ANKRD18B: variants seen among roughly 807,000 people sequenced by gnomAD.
The protein encoded by ANKRD18B is ankyrin repeat domain 18B, also known as ankyrin repeat domain-containing protein 18B.
A neutral mutation model predicts 111.8 loss-of-function variants in ANKRD18B; 75 were observed. That is an observed-to-expected ratio of 0.67 (90% CI 0.56 to 0.81). The LOEUF is 0.81. ANKRD18B is among the 40% of genes least tolerant of loss of function. ANKRD18B has a pLI of 0.00. For missense variants in ANKRD18B, 1,038 were observed against 1,225.5 expected (o/e 0.85, Z 2.28); for synonymous variants, 356 against 417.3 (o/e 0.85, Z 1.79).
chr9:33,540,944 C>T (rs1399082763), intron 8 of ANKRD18B, among the ~76,000 whole-genome samples: 1 of 152,096 alleles, frequency 6.6e-6, no homozygotes, highest in East Asian at 1.9e-4. Context: ...TAGATGTCAC[C>T]TGGGAGCATA....
In ANKRD18B at chr9:33,543,183, AG is replaced by A; in HGVS notation, c.1079-1del. 6.4e-7 allele frequency: 1 copy of A among 1,550,708 alleles called. No individual in the cohort carries two copies. The stretch of plus-strand genomic sequence containing the variant: ...TAACTAAACATATGGATTTGTCAGC[AG>A]AACACAACTTAAAAGTGGCTTCAGA... On this transcript the variant is annotated splice_acceptor_variant, in intron 9 of 18. Transcript: ENST00000684830. LOFTEE classifies it high-confidence loss of function.
At position 33,548,717 on chromosome 9, in the gene ANKRD18B, A is replaced by T; in HGVS notation, c.1929A>T (p.Ile643=). ...DARKEGDNKE[I]VINIHRDCLE... ...GTAAGGAAGGTGATAATAAAGAGAT[A>T]GTCATTAATATCCACAGAGACTGTC... The change falls in exon 11 of 19, where the codon ATA becomes ATT. Residue 643 remains isoleucine (I), a synonymous_variant. Coordinates refer to ENST00000684830, the MANE Select transcript of ANKRD18B (RefSeq NM_001393611.1). 3 of 1,551,180 alleles carry T rather than the reference A, an allele frequency of 1.9e-6. No homozygotes were observed. The highest frequency in any genetic ancestry group is 2.6e-6 in the Non-Finnish European group (3 of 1,146,622).
At position 33,524,276 on chromosome 9, in the gene ANKRD18B, G is replaced by A. The variant is rs965778634; in HGVS notation, c.-214G>A. 53 of 1,257,102 alleles carry A rather than the reference G, an allele frequency of 4.2e-5. No homozygotes were observed. The highest frequency in any genetic ancestry group is 6.0e-4 in the Middle Eastern group (2 of 3,358). 77.9% of individuals were successfully genotyped at this position (1,257,102 alleles called of 1,614,324 possible). On this transcript the variant is annotated 5_prime_UTR_variant, in exon 1 of 19. Coordinates refer to ENST00000684830, the MANE Select transcript of ANKRD18B (RefSeq NM_001393611.1). Reference sequence around the variant, plus strand: ...ACTGGGCTCACTCTATCGAGAGGTCGGAGGCTGCGAGTGTCGCTGCTGAAG... The same window carrying A: ...ACTGGGCTCACTCTATCGAGAGGTCAGAGGCTGCGAGTGTCGCTGCTGAAG...
At chr9:33,545,237 G>A (rs1293041512) in intron 10 of ANKRD18B, among the ~76,000 whole-genome samples, 3 of 152,274 alleles carry the variant, frequency 2.0e-5, no homozygotes, top group Non-Finnish European at 2.9e-5. Flanking sequence ...GAGAATTGTT[G>A]TAATGATACA....
intron 14 of ANKRD18B, among the ~76,000 whole-genome samples, chr9:33,563,310 G>A (rs1828634156): frequency 6.6e-6 from 1 of 152,152 alleles, no homozygotes; most frequent in Non-Finnish European, 1.5e-5. Flanking sequence ...AAAAAGATTG[G>A]CCAGGACAGC....
At chr9:33,561,694 G>C (rs894209333) in intron 14 of ANKRD18B, among the ~76,000 whole-genome samples, 1 of 152,120 alleles carries the variant, frequency 6.6e-6, no homozygotes, top group African/African-American at 2.4e-5. Flanking sequence ...TATGGTATTA[G>C]GTGAGAGTCC....
chr9:33,574,271 T>TGGG (rs1220160112), downstream of ANKRD18B: 1 of 168,702 alleles, frequency 5.9e-6, no homozygotes, highest in African/African-American at 2.4e-5. Flanking sequence ...ACTTGGTCAG[T>TGGG]GGGGCCTGGT....
At chr9:33,567,053 G>T (rs772543885) in intron 15 of ANKRD18B, 50 bp from the exon 16 acceptor site, 62 of 1,482,824 alleles carry the variant, frequency 4.2e-5, no homozygotes, top group Non-Finnish European at 6.3e-6. Flanking sequence ...CAAACATATG[G>T]TAATTAACTT....
rs1317631603 is a variant in ANKRD18B at position 33,548,007 on chromosome 9, A to T, written c.1219A>T (p.Met407Leu). The T allele has an allele frequency of 6.7e-7, 1 of 1,503,102 alleles. No homozygotes were observed. Among genetic ancestry groups the T allele is most frequent in the East Asian group, 2.5e-5 (1 of 40,372 alleles). 93.1% of individuals were successfully genotyped at this position (1,503,102 alleles called of 1,614,324 possible). Residue 407 changes from methionine to leucine, a missense_variant, in exon 11 of 19, where the codon ATG becomes TTG. Transcript: ENST00000684830. ...GNFMLKRDIA[M>L]LKEELYAIKN... ...TTTTATGTTGAAGAGAGACATTGCC[A>T]TGCTCAAAGAGGAATTATATGCAAT...
intron 3 of ANKRD18B, among the ~76,000 whole-genome samples, chr9:33,530,106 CT>C (rs1250094647): frequency 6.6e-6 from 1 of 152,168 alleles, no homozygotes; most frequent in Non-Finnish European, 1.5e-5. Flanking sequence ...ATACTCTTCT[CT>C]CTGGCCACAT....
At chr9:33,560,015 G>T (rs376825864) in intron 14 of ANKRD18B, among the ~76,000 whole-genome samples, 2 of 152,080 alleles carry the variant, frequency 1.3e-5, no homozygotes, top group African/African-American at 4.8e-5. Flanking sequence ...ATAGATTTGC[G>T]TATAAGCCTC....
At chr9:33,535,656 A>G (rs888091814) in intron 5 of ANKRD18B, among the ~76,000 whole-genome samples, 1 of 147,790 alleles carries the variant, frequency 6.8e-6, no homozygotes, top group East Asian at 2.0e-4. Flanking sequence ...CATATAGATT[A>G]TATAATCTAT....
intron 1 of ANKRD18B, among the ~76,000 whole-genome samples, chr9:33,526,439 T>C (rs1828026851): frequency 6.6e-6 from 1 of 151,934 alleles, no homozygotes; most frequent in Non-Finnish European, 1.5e-5. Flanking sequence ...TACTATGGTC[T>C]TGTGTTAGGC....
At chr9:33,558,025 A>T (rs763687932) in intron 13 of ANKRD18B, 33 bp from the exon 14 acceptor site, 6 of 1,500,740 alleles carry the variant, frequency 4.0e-6, no homozygotes. Flanking sequence ...ACTCTTAAAA[A>T]TTCTTGACTT....
chr9:33,548,089 C>T lies in ANKRD18B; in HGVS notation c.1301C>T (p.Thr434Ile). The change falls in exon 11 of 19, where the codon ACA becomes ATA. Residue 434 changes from threonine to isoleucine, a missense_variant. Thr to Ile is a moderately conservative substitution (Grantham distance 89). Coordinates refer to ENST00000684830, the MANE Select transcript of ANKRD18B (RefSeq NM_001393611.1). ...TATATTCAGGAAATTAAAAGTATTA[C>T]AGAAATAAATGCTAACTTTGAAAAG... Reference protein sequence around the residue: ...KKYIQEIKSITEINANFEKSV... With the variant: ...KKYIQEIKSIIEINANFEKSV... The T allele has an allele frequency of 6.5e-7, 1 of 1,533,474 alleles. No homozygotes were observed. Among genetic ancestry groups the T allele is most frequent in the Non-Finnish European group, 8.8e-7 (1 of 1,141,740 alleles). 95.0% of individuals were successfully genotyped at this position (1,533,474 alleles called of 1,614,324 possible). A position where few individuals can be genotyped will look rare whatever the true frequency, so the allele number is the denominator to read the frequency against.
intron 5 of ANKRD18B, 77 bp downstream of exon 5, chr9:33,534,584 T>G (rs1001596578): frequency 7.0e-7 from 1 of 1,425,408 alleles, no homozygotes; most frequent in Non-Finnish European, 9.2e-7. Context: ...TCTTATACAT[T>G]AGGTGACAGT....
At chr9:33,524,829 C>A (rs62556628) in intron 1 of ANKRD18B, 134 bp downstream of exon 1, 1 of 1,128,068 alleles carries the variant, frequency 8.9e-7, no homozygotes, top group Admixed American at 2.9e-5. Flanking sequence ...TGCTTTCCAT[C>A]GCTGGGAATT....
In ANKRD18B at chr9:33,548,429, C is replaced by G. The variant is rs1328866552; in HGVS notation, c.1641C>G (p.Val547=). The G allele has an allele frequency of 6.4e-7, 1 of 1,551,216 alleles. No individual in the cohort carries two copies. Among genetic ancestry groups the G allele is most frequent in the East Asian group, 2.4e-5 (1 of 40,912 alleles). ...AGAATGAGTTGCTTACTGAACAGGT[C>G]CATAAAGCTCGGGTGAAGTTCAATA... The part of the protein sequence containing the change: ...TDKNELLTEQ[V]HKARVKFNTL... Residue 547 remains valine, a synonymous_variant, in exon 11 of 19, where the codon GTC becomes GTG. Coordinates refer to ENST00000684830, the MANE Select transcript of ANKRD18B (RefSeq NM_001393611.1).
intron 10 of ANKRD18B, among the ~76,000 whole-genome samples, chr9:33,543,615 C>T (rs889615898): frequency 3.9e-5 from 6 of 152,114 alleles, no homozygotes; most frequent in African/African-American, 1.2e-4. Context: ...GAGTTCACCT[C>T]ATGTGAAAGG....
Sources: allele counts gnomAD v4.1 joint callset (sites outside exome capture counted in the v4.1 genomes callset), GRCh38; gene constraint gnomAD v4.1.1; transcripts MANE v1.5; gene names NCBI Gene and HGNC (gene_info 2026-07-23, HGNC 2026-07-21).